FGD6: variants seen among roughly 807,000 people sequenced by gnomAD.
FGD6 encodes FYVE, RhoGEF and PH domain-containing protein 6.
In FGD6, 90 loss-of-function variants were observed where a neutral mutation model predicts 149.4. The ratio of observed to expected loss-of-function variants is 0.60; its 90% CI spans 0.51 to 0.72. The LOEUF (loss-of-function observed/expected upper bound fraction) is 0.72, where lower values mean the gene tolerates loss of function less well. FGD6 is among the 30% of genes least tolerant of loss of function. FGD6 has a pLI of 0.00. For synonymous variants in FGD6, 527 were observed against 584.0 expected, an observed-to-expected ratio of 0.90 and a Z score of 1.41; for missense variants, 1,437 against 1,684.8, an observed-to-expected ratio of 0.85 and a Z score of 2.57.
intron 7 of FGD6, among the ~76,000 whole-genome samples, chr12:95,135,721 T>C (rs1273209760): frequency 1.3e-5 from 2 of 152,212 alleles, no homozygotes; most frequent in African/African-American, 4.8e-5. Context: ...TTTATCATTT[T>C]CTAAATATGT....
intron 8 of FGD6, among the ~76,000 whole-genome samples, chr12:95,133,670 T>C (rs1215630019): frequency 6.6e-6 from 1 of 152,218 alleles, no homozygotes; most frequent in African/African-American, 2.4e-5. Context: ...TTCTTGTCCA[T>C]TTTGATACAA....
intron 3 of FGD6, among the ~76,000 whole-genome samples, chr12:95,164,624 T>C (rs1240596175): frequency 6.6e-6 from 1 of 151,954 alleles, no homozygotes; most frequent in African/African-American, 2.4e-5. Context: ...AGAGATGGAG[T>C]TTCACCATGT....
At chr12:95,116,700 T>C in intron 8 of FGD6, 1 of 382,772 alleles carries the variant, frequency 2.6e-6, no homozygotes, top group Non-Finnish European at 5.2e-6. Flanking sequence ...TCCTTGCCAA[T>C]TTTTAAAAAT....
intron 8 of FGD6, among the ~76,000 whole-genome samples, chr12:95,127,331 G>A (rs1000035307): frequency 1.3e-5 from 2 of 152,100 alleles, no homozygotes; most frequent in South Asian, 2.1e-4. Context: ...GGATCACGAG[G>A]TCAGGAGTTC....
At chr12:95,100,026 C>G (rs1286864378) in intron 14 of FGD6, among the ~76,000 whole-genome samples, 2 of 149,760 alleles carry the variant, frequency 1.3e-5, no homozygotes, top group Non-Finnish European at 1.5e-5. Context: ...CTTCTGGTCT[C>G]TGATGCTCCT....
intron 2 of FGD6, among the ~76,000 whole-genome samples, chr12:95,201,789 T>C (rs2056663707): frequency 6.6e-6 from 1 of 152,166 alleles, no homozygotes; most frequent in African/African-American, 2.4e-5. Flanking sequence ...AATAATCATA[T>C]CCTTGGCTAA....
intron 8 of FGD6, among the ~76,000 whole-genome samples, chr12:95,126,646 G>A (rs1427515224): frequency 6.6e-6 from 1 of 151,240 alleles, no homozygotes; most frequent in Non-Finnish European, 1.5e-5. Flanking sequence ...CAAGAGAACT[G>A]CTTGAACCCG....
At chr12:95,160,082 C>A (rs143347677) in intron 3 of FGD6, among the ~76,000 whole-genome samples, 6 of 151,604 alleles carry the variant, frequency 4.0e-5, no homozygotes, top group African/African-American at 1.5e-4. Flanking sequence ...CGGTGGCTCA[C>A]GCTTGTAACC....
chr12:95,217,446 G>A lies in FGD6; in HGVS notation c.-206C>T, dbSNP rs1014913488. On this transcript the variant is annotated 5_prime_UTR_variant, in exon 1 of 21. Coordinates refer to ENST00000343958, the MANE Select transcript of FGD6 (RefSeq NM_018351.4). ...GGCGCTCCCGGGCGCGAGCCGCCGG[G>A]GTCGGGCGGGCGAGCACTAGCACCG... The A allele has an allele frequency of 5.4e-6, 4 of 746,818 alleles. No individual in the cohort carries two copies. Among genetic ancestry groups the A allele is most frequent in the African/African-American group, 1.9e-5 (1 of 53,624 alleles). The allele number at this position is 746,818 out of a possible 1,614,324, so 46.3% of individuals were successfully genotyped here.
In FGD6 at chr12:95,089,222, C is replaced by G. The variant is rs146809970; in HGVS notation, c.3978+347G>C. Among the ~76,000 whole-genome samples the G allele has an allele frequency of 8.0e-4, 122 of 152,326 alleles. 1 individual carries two copies. The highest frequency in any genetic ancestry group is 2.6e-3 in the African/African-American group (108 of 41,584). The stretch of plus-strand genomic sequence containing the variant: ...GCCTACAAATAAACCGTGCAGATCA[C>G]TAAATGCTAACAAAATGCCCAAAAT... On this transcript the variant is annotated intron_variant, in intron 18 of 20. Coordinates refer to ENST00000343958, the MANE Select transcript of FGD6 (RefSeq NM_018351.4).
At chr12:95,152,886 G>A (rs370670738) in intron 4 of FGD6, 40 bp downstream of exon 4, 4 of 1,613,214 alleles carry the variant, frequency 2.5e-6, no homozygotes, top group Non-Finnish European at 2.5e-6. Flanking sequence ...TGTGCCAATG[G>A]GGGGAAAACA....
At chr12:95,183,333 C>T (rs1471321550) in intron 2 of FGD6, among the ~76,000 whole-genome samples, 1 of 152,222 alleles carries the variant, frequency 6.6e-6, no homozygotes, top group African/African-American at 2.4e-5. Flanking sequence ...GTGACCCCCA[C>T]CCTCTTGTAT....
chr12:95,081,612 C>A, intron 20 of FGD6, 56 bp from the exon 21 acceptor site: 1 of 1,299,008 alleles, frequency 7.7e-7, no homozygotes, highest in Non-Finnish European at 1.1e-6. Context: ...GACGTGTGAA[C>A]ACCATATAGA....
At chr12:95,198,500 C>A (rs1024485352) in intron 2 of FGD6, among the ~76,000 whole-genome samples, 1 of 152,084 alleles carries the variant, frequency 6.6e-6, no homozygotes, top group African/African-American at 2.4e-5. Context: ...ATTGCAGTGG[C>A]GCTATCTCTG....
At chr12:95,156,831 A>T (rs974734314) in intron 3 of FGD6, among the ~76,000 whole-genome samples, 3 of 152,206 alleles carry the variant, frequency 2.0e-5, no homozygotes, top group African/African-American at 4.8e-5. Context: ...ACATTTAGGG[A>T]AAATGAAAAC....
chr12:95,106,876 A>C, intron 13 of FGD6, 78 bp downstream of exon 13: 1 of 1,190,684 alleles, frequency 8.4e-7, no homozygotes, highest in Non-Finnish European at 1.2e-6. Flanking sequence ...CCTGGGTGAC[A>C]GAATGAGACC....
chr12:95,138,244 A>ATAAC (rs1879736110), intron 6 of FGD6, among the ~76,000 whole-genome samples: 1 of 104,668 alleles, frequency 9.6e-6, no homozygotes. Flanking sequence ...AAATAAATAA[A>ATAAC]TAACTCACTC....
intron 3 of FGD6, among the ~76,000 whole-genome samples, chr12:95,153,228 T>G (rs949277245): frequency 2.6e-5 from 4 of 152,218 alleles, no homozygotes; most frequent in Non-Finnish European, 5.9e-5. Context: ...ATTGATGAAC[T>G]GCCCTGAGTA....
chr12:95,177,764 T>C (rs1565916725), intron 2 of FGD6, among the ~76,000 whole-genome samples: 1 of 152,186 alleles, frequency 6.6e-6, no homozygotes, highest in East Asian at 1.9e-4. Context: ...ACACTAACTA[T>C]AAAATTGGTA....
Sources: allele counts gnomAD v4.1 joint callset (sites outside exome capture counted in the v4.1 genomes callset), GRCh38; gene constraint gnomAD v4.1.1; transcripts MANE v1.5; gene names NCBI Gene and HGNC (gene_info 2026-07-23, HGNC 2026-07-21).